PDE10A: variants seen among roughly 807,000 people sequenced by gnomAD.
PDE10A encodes the protein phosphodiesterase 10A, also known as cAMP and cAMP-inhibited cGMP 3',5'-cyclic phosphodiesterase 10A.
Under a neutral mutation model 97.7 loss-of-function variants are expected in PDE10A, and 39 were observed. The observed-to-expected ratio is 0.40, with a 90% confidence interval of 0.31 to 0.52. PDE10A has a LOEUF of 0.52. PDE10A is among the 20% of genes least tolerant of loss of function. PDE10A has a pLI of 0.56. For missense variants in PDE10A, 731 were observed against 1,047.8 expected (o/e 0.70, Z 4.17); for synonymous variants, 371 against 376.8 (o/e 0.98, Z 0.18).
intron 18 of PDE10A, among the ~76,000 whole-genome samples, chr6:165,378,663 T>C (rs1272098351): frequency 6.6e-6 from 1 of 152,220 alleles, no homozygotes; most frequent in Non-Finnish European, 1.5e-5. Context: ...TGTAATTCCA[T>C]GTTCACCAAA....
intron 1 of PDE10A, among the ~76,000 whole-genome samples, chr6:165,668,895 A>G (rs902313039): frequency 7.9e-5 from 12 of 152,330 alleles, no homozygotes; most frequent in African/African-American, 2.9e-4. Context: ...ATGAGGAGAC[A>G]ATGCTTTTTG....
At chr6:165,558,153 A>G (rs1784350820) in intron 1 of PDE10A, among the ~76,000 whole-genome samples, 1 of 152,198 alleles carries the variant, frequency 6.6e-6, no homozygotes, top group Admixed American at 6.5e-5. Context: ...ACACATGCAC[A>G]TGTATGTATA....
intron 1 of PDE10A, among the ~76,000 whole-genome samples, chr6:165,767,815 C>T (rs945059895): frequency 1.3e-5 from 2 of 152,198 alleles, no homozygotes; most frequent in Admixed American, 1.3e-4. Flanking sequence ...GGGTCATTCA[C>T]TCTCTCTATG....
At chr6:165,435,471 G>A (rs1789941955) in intron 5 of PDE10A, 94 bp from the exon 6 acceptor site, 3 of 1,064,666 alleles carry the variant, frequency 2.8e-6, no homozygotes, top group African/African-American at 3.2e-5. Context: ...ATAAATCTGT[G>A]AGCCAATTAA....
intron 1 of PDE10A, among the ~76,000 whole-genome samples, chr6:165,923,349 A>G (rs536301957): frequency 2.2e-4 from 34 of 152,254 alleles, no homozygotes; most frequent in Non-Finnish European, 4.4e-4. Flanking sequence ...TAGAAAAAGA[A>G]CAAGGCCTAT....
At chr6:165,447,618 C>G (rs746251137) in intron 5 of PDE10A, among the ~76,000 whole-genome samples, 13 of 152,156 alleles carry the variant, frequency 8.5e-5, no homozygotes, top group Non-Finnish European at 1.2e-4. Context: ...AACTTTGACA[C>G]TTTAAAAATA....
intron 2 of PDE10A, among the ~76,000 whole-genome samples, chr6:165,540,434 A>G (rs1393215587): frequency 6.6e-6 from 1 of 152,164 alleles, no homozygotes; most frequent in African/African-American, 2.4e-5. Flanking sequence ...TCTAAATGAC[A>G]AAAAATGAAA....
chr6:165,336,969 C>T (rs2128175993), intron 20 of PDE10A, among the ~76,000 whole-genome samples: 1 of 152,074 alleles, frequency 6.6e-6, no homozygotes, highest in Admixed American at 6.5e-5. Flanking sequence ...TACAGCAGTG[C>T]TTTCTGCTTG....
intron 17 of PDE10A, 74 bp from the exon 18 acceptor site, chr6:165,379,440 G>T: frequency 3.3e-6 from 4 of 1,207,734 alleles, no homozygotes; most frequent in Non-Finnish European, 4.7e-6. Flanking sequence ...TTAGTTATTT[G>T]AAACTATATA....
intron 1 of PDE10A, among the ~76,000 whole-genome samples, chr6:165,778,990 G>A (rs1179674928): frequency 6.6e-6 from 1 of 152,082 alleles, no homozygotes; most frequent in Non-Finnish European, 1.5e-5. Flanking sequence ...CCTTTTTAAT[G>A]CTATTATTTA....
intron 1 of PDE10A, among the ~76,000 whole-genome samples, chr6:165,713,319 T>A (rs1199978533): frequency 6.6e-6 from 1 of 152,210 alleles, no homozygotes; most frequent in African/African-American, 2.4e-5. Context: ...CCAATTACCA[T>A]GCATAAAGAG....
upstream of PDE10A, among the ~76,000 whole-genome samples, chr6:165,668,126 G>T (rs1790542031): frequency 6.6e-6 from 1 of 152,182 alleles, no homozygotes; most frequent in Admixed American, 6.5e-5. Flanking sequence ...AGCAGTGTGA[G>T]ATAATTATAT....
intron 1 of PDE10A, among the ~76,000 whole-genome samples, chr6:165,847,399 G>T (rs1336249997): frequency 2.6e-5 from 4 of 152,244 alleles, no homozygotes; most frequent in Admixed American, 2.6e-4. Context: ...TGTGTAATAA[G>T]AACATTTCTC....
intron 1 of PDE10A, among the ~76,000 whole-genome samples, chr6:165,903,249 T>C (rs1370815298): frequency 6.6e-6 from 1 of 152,242 alleles, no homozygotes; most frequent in African/African-American, 2.4e-5. Context: ...TGGTATTTCA[T>C]ATGGTTTCAG....
intron 1 of PDE10A, among the ~76,000 whole-genome samples, chr6:165,672,126 A>T (rs898934741): frequency 6.6e-6 from 1 of 152,224 alleles, no homozygotes; most frequent in Admixed American, 6.5e-5. Context: ...TTACAACTTG[A>T]TTTCATTGAC....
chr6:165,581,788 C>T, intron 1 of PDE10A, among the ~76,000 whole-genome samples: 1 of 152,172 alleles, frequency 6.6e-6, no homozygotes, highest in East Asian at 1.9e-4. Flanking sequence ...TTCTCTTTGG[C>T]ACAAAGGATT....
chr6:165,981,467 TG>T (rs1562340670), intron 1 of PDE10A, among the ~76,000 whole-genome samples: 1 of 152,160 alleles, frequency 6.6e-6, no homozygotes, highest in Non-Finnish European at 1.5e-5. Context: ...GAGAGGCACA[TG>T]GGGTGACTTT....
At chr6:165,389,612 G>A (rs751040744) in intron 16 of PDE10A, among the ~76,000 whole-genome samples, 5 of 152,200 alleles carry the variant, frequency 3.3e-5, no homozygotes, top group African/African-American at 9.7e-5. Context: ...TGAGGCGAAG[G>A]AGTCTACTTG....
chr6:165,710,052 C>T (rs1381509171), intron 1 of PDE10A, among the ~76,000 whole-genome samples: 1 of 152,052 alleles, frequency 6.6e-6, no homozygotes, highest in East Asian at 1.9e-4. Context: ...CAACTCAGAC[C>T]TGCCTCAGTG....
Sources: allele counts gnomAD v4.1 joint callset (sites outside exome capture counted in the v4.1 genomes callset), GRCh38; gene constraint gnomAD v4.1.1; transcripts MANE v1.5; gene names NCBI Gene and HGNC (gene_info 2026-07-23, HGNC 2026-07-21).